The following LRRC4C variants were observed in gnomAD, a reference collection of about 807,000 sequenced individuals.
The protein encoded by LRRC4C is leucine-rich repeat-containing protein 4C.
A neutral mutation model predicts 33.6 loss-of-function variants in LRRC4C; 5 were observed. The ratio of observed to expected loss-of-function variants is 0.15; its 90% confidence interval spans 0.08 to 0.31. LRRC4C has a LOEUF of 0.31. Ranked by LOEUF, LRRC4C falls within the 10% of genes least tolerant of loss-of-function variation. The pLI, the probability that LRRC4C is intolerant of heterozygous loss-of-function variation, is 1.00. For synonymous variants in LRRC4C, 329 were observed against 302.0 expected (o/e 1.09, Z -0.93); for missense variants, 560 against 796.7 (o/e 0.70, Z 3.58).
chr11:40,327,957 TAAAG>T (rs1298777971), intron 3 of LRRC4C, among the ~76,000 whole-genome samples: 3 of 152,246 alleles, frequency 2.0e-5, no homozygotes, highest in South Asian at 2.1e-4. Flanking sequence ...GAGATTTTTT[TAAAG>T]AAAGGAATTA....
chr11:40,366,423 G>T (rs1948211196), intron 3 of LRRC4C, among the ~76,000 whole-genome samples: 1 of 152,018 alleles, frequency 6.6e-6, no homozygotes, highest in South Asian at 2.1e-4. Flanking sequence ...TTGAGGTTCA[G>T]AATAGAATTT....
At chr11:40,860,412 AAATTAAGATGTCAGTGGAAACATG>A in intron 2 of LRRC4C, among the ~76,000 whole-genome samples, 1 of 145,680 alleles carries the variant, frequency 6.9e-6, no homozygotes, top group South Asian at 2.2e-4. Flanking sequence ...GTTTCCTCTG[AAATTAAGATGTCAGTGGAAACATG>A]TTTCCTCTGA....
At chr11:41,296,213 A>G (rs1950137441) in intron 1 of LRRC4C, among the ~76,000 whole-genome samples, 1 of 152,178 alleles carries the variant, frequency 6.6e-6, no homozygotes, top group Non-Finnish European at 1.5e-5. Flanking sequence ...TGTACTTCCG[A>G]TAGGATCTTC....
At chr11:40,759,575 A>C (rs2137055940) in intron 2 of LRRC4C, among the ~76,000 whole-genome samples, 1 of 150,912 alleles carries the variant, frequency 6.6e-6, no homozygotes, top group African/African-American at 2.4e-5. Flanking sequence ...AATGGCAAAA[A>C]CCTCAGTTAC....
chr11:40,367,438 T>C (rs113978243), intron 3 of LRRC4C, among the ~76,000 whole-genome samples: 18 of 152,212 alleles, frequency 1.2e-4, no homozygotes, highest in African/African-American at 4.3e-4. Flanking sequence ...ATGTACAACA[T>C]TTTGATGCTG....
chr11:40,564,118 G>T (rs1221086240), intron 3 of LRRC4C, among the ~76,000 whole-genome samples: 1 of 152,188 alleles, frequency 6.6e-6, no homozygotes, highest in Admixed American at 6.5e-5. Context: ...GGACAGACAG[G>T]ATGTATGACT....
intron 4 of LRRC4C, among the ~76,000 whole-genome samples, chr11:40,284,390 G>C (rs940165871): frequency 6.6e-6 from 1 of 152,194 alleles, no homozygotes; most frequent in African/African-American, 2.4e-5. Flanking sequence ...AGGATGTTCA[G>C]CATTACTTGT....
chr11:40,128,346 A>G (rs896791638), intron 6 of LRRC4C, among the ~76,000 whole-genome samples: 20 of 152,156 alleles, frequency 1.3e-4, no homozygotes, highest in African/African-American at 4.8e-4. Context: ...GCAGCCCAGC[A>G]CTATTCTGAT....
intron 5 of LRRC4C, among the ~76,000 whole-genome samples, chr11:40,157,386 A>G (rs1317318201): frequency 1.3e-5 from 2 of 152,154 alleles, no homozygotes. Context: ...CCAAAAATGC[A>G]ATAAAAACAA....
At chr11:41,247,901 GA>G (rs1469476387) in intron 1 of LRRC4C, among the ~76,000 whole-genome samples, 1 of 152,126 alleles carries the variant, frequency 6.6e-6, no homozygotes, top group Non-Finnish European at 1.5e-5. Context: ...TACAATGCAT[GA>G]GACACATTTT....
rs538117048 is a variant in LRRC4C at position 41,264,124 on chromosome 11, G to A, written c.-496+195307C>T. On this transcript the variant is annotated intron_variant, in intron 1 of 6. Coordinates refer to ENST00000528697, the MANE Select transcript of LRRC4C (RefSeq NM_001258419.2). ...TTTTTTTTTTTTGAGATGGAGTCTC[G>A]CTTTATTGCCAGGCTGGAGTGCAGT... Among the ~76,000 whole-genome samples, 13 of 141,052 alleles carry A rather than the reference G, an allele frequency of 9.2e-5. No individual in the cohort carries two copies. In the East Asian group the frequency reaches 1.9e-3, roughly 21 times the overall value. 92.5% of individuals were successfully genotyped at this position (141,052 alleles called of 152,430 possible).
chr11:40,552,121 G>A (rs952722323), intron 3 of LRRC4C, among the ~76,000 whole-genome samples: 1 of 152,100 alleles, frequency 6.6e-6, no homozygotes, highest in Non-Finnish European at 1.5e-5. Flanking sequence ...GCATATTTTG[G>A]ACTTCTCAGT....
intron 5 of LRRC4C, among the ~76,000 whole-genome samples, chr11:40,181,611 T>G (rs1054447681): frequency 1.3e-5 from 2 of 152,230 alleles, no homozygotes; most frequent in African/African-American, 4.8e-5. Context: ...CTTGCTATTT[T>G]GGTACACACT....
At chr11:40,393,127 T>C (rs116795426) in intron 3 of LRRC4C, among the ~76,000 whole-genome samples, 157 of 152,276 alleles carry the variant, frequency 1.0e-3, no homozygotes, top group African/African-American at 3.6e-3. Context: ...AGACAACGTG[T>C]AATCCAGTGT....
intron 1 of LRRC4C, among the ~76,000 whole-genome samples, chr11:41,267,812 C>T (rs887481372): frequency 5.3e-5 from 8 of 152,042 alleles, no homozygotes; most frequent in South Asian, 2.1e-4. Context: ...CCACCATCAT[C>T]GAACCGTAAG....
At chr11:41,098,651 A>G (rs1010716086) in intron 1 of LRRC4C, among the ~76,000 whole-genome samples, 9 of 152,182 alleles carry the variant, frequency 5.9e-5, no homozygotes, top group African/African-American at 1.4e-4. Context: ...CTAGGAAAGT[A>G]AATTTAATAA....
chr11:41,027,843 A>C lies in LRRC4C; in HGVS notation c.-495-94120T>G, dbSNP rs78059034. On this transcript the variant is annotated intron_variant, in intron 1 of 6. Coordinates refer to ENST00000528697, the MANE Select transcript of LRRC4C (RefSeq NM_001258419.2). ...ATTGCTCTTGAGAGAGAGTTCTAAT[A>C]GTTTTGAATTATTTAGTTTTTCTTC... 4.1e-3 allele frequency among the ~76,000 whole-genome samples: 619 copies of C among 151,840 alleles called. 4 individuals carry two copies. The highest frequency in any genetic ancestry group is 0.014 in the African/African-American group (589 of 41,516).
At chr11:41,164,894 A>G (rs1944649464) in intron 1 of LRRC4C, among the ~76,000 whole-genome samples, 1 of 152,116 alleles carries the variant, frequency 6.6e-6, no homozygotes, top group Non-Finnish European at 1.5e-5. Flanking sequence ...GCTTGGATAG[A>G]ATCCAGGGCT....
intron 3 of LRRC4C, 24 bp downstream of exon 3, chr11:40,648,118 G>GA (rs1942574923): frequency 1.3e-5 from 2 of 152,118 alleles, no homozygotes; most frequent in Non-Finnish European, 2.9e-5. Context: ...GATTCTAATG[G>GA]AAAAAATTAT....
Sources: allele counts gnomAD v4.1 joint callset (sites outside exome capture counted in the v4.1 genomes callset), GRCh38; gene constraint gnomAD v4.1.1; transcripts MANE v1.5; gene names NCBI Gene and HGNC (gene_info 2026-07-23, HGNC 2026-07-21).